OR51B5: variants seen among roughly 807,000 people sequenced by gnomAD.
OR51B5 encodes olfactory receptor 51B5.
For synonymous variants in OR51B5, 186 were observed against 144.8 expected (o/e 1.28, Z -2.04); for missense variants, 456 against 374.6 (o/e 1.22, Z -1.79).
At chr11:5,464,556 G>C (rs373224390) in intron 1 of OR51B5, among the ~76,000 whole-genome samples, 1 of 151,006 alleles carries the variant, frequency 6.6e-6, no homozygotes, top group African/African-American at 2.4e-5. Context: ...TTGTTCTTGC[G>C]ATAGTTTACT....
intron 1 of OR51B5, chr11:5,456,159 C>T (rs985660665): frequency 5.9e-5 from 9 of 152,160 alleles, no homozygotes; most frequent in Non-Finnish European, 1.5e-5. Context: ...TCAGAAGCAG[C>T]GAGGGATACA....
chr11:5,452,373 G>C (rs1195937011), intron 1 of OR51B5, among the ~76,000 whole-genome samples: 1 of 151,858 alleles, frequency 6.6e-6, no homozygotes, highest in Non-Finnish European at 1.5e-5. Context: ...GGGCATGGTG[G>C]CGGGAGCCTG....
chr11:5,493,738 C>G (rs1851610002), intron 1 of OR51B5, among the ~76,000 whole-genome samples: 1 of 152,128 alleles, frequency 6.6e-6, no homozygotes, highest in South Asian at 2.1e-4. Context: ...ATGCATCAGA[C>G]TATCTTAGGT....
chr11:5,491,806 A>G (rs541204043), intron 1 of OR51B5, among the ~76,000 whole-genome samples: 9 of 152,330 alleles, frequency 5.9e-5, no homozygotes, highest in African/African-American at 1.9e-4. Context: ...AAGGCATGAA[A>G]TATGGTTTTA....
intron 1 of OR51B5, among the ~76,000 whole-genome samples, chr11:5,429,697 A>G (rs1267773994): frequency 6.6e-6 from 1 of 152,172 alleles, no homozygotes; most frequent in African/African-American, 2.4e-5. Flanking sequence ...TGGGGAACAG[A>G]TAAGAATAAA....
At chr11:5,455,063 C>T (rs1194536421) in intron 1 of OR51B5, 1 of 152,236 alleles carries the variant, frequency 6.6e-6, no homozygotes, top group Non-Finnish European at 1.5e-5. Flanking sequence ...TATTAGAACT[C>T]ACCATAAAAT....
At chr11:5,422,948 G>A in intron 1 of OR51B5, 1 of 1,614,080 alleles carries the variant, frequency 6.2e-7, no homozygotes, top group Non-Finnish European at 8.5e-7. Flanking sequence ...CATTCTAGCT[G>A]TCCTGGTCCT....
chr11:5,458,790 T>C (rs554711039), intron 1 of OR51B5, among the ~76,000 whole-genome samples: 7 of 152,362 alleles, frequency 4.6e-5, no homozygotes, highest in Admixed American at 4.6e-4. Context: ...TGCTACTGAT[T>C]TTTGTATATC....
chr11:5,376,822 C>G (rs1386286470), intron 1 of OR51B5, among the ~76,000 whole-genome samples: 5 of 149,992 alleles, frequency 3.3e-5, no homozygotes, highest in African/African-American at 1.2e-4. Context: ...TAATCAATAG[C>G]TTACCAACCA....
chr11:5,348,007 T>C (rs1013397834), upstream of OR51B5, among the ~76,000 whole-genome samples: 11 of 151,926 alleles, frequency 7.2e-5, no homozygotes, highest in African/African-American at 2.7e-4. Context: ...GTGAGGGTAT[T>C]TAATGAATCT....
chr11:5,421,404 C>T (rs1280946332), intron 1 of OR51B5, among the ~76,000 whole-genome samples: 1 of 152,226 alleles, frequency 6.6e-6, no homozygotes, highest in South Asian at 2.1e-4. Flanking sequence ...GAAAAGGGCA[C>T]ATGACTTGTT....
chr11:5,378,194 A>C (rs951615875), intron 1 of OR51B5, among the ~76,000 whole-genome samples: 2 of 152,010 alleles, frequency 1.3e-5, no homozygotes, highest in Admixed American at 1.3e-4. Context: ...AAACCTGAGA[A>C]AAACAAGAAA....
At chr11:5,350,849 C>G (rs1849070435) in intron 1 of OR51B5, among the ~76,000 whole-genome samples, 1 of 152,166 alleles carries the variant, frequency 6.6e-6, no homozygotes, top group Non-Finnish European at 1.5e-5. Context: ...ACAGGTAAGT[C>G]ACTCTTACGT....
chr11:5,425,944 A>C (rs538240603), intron 1 of OR51B5, among the ~76,000 whole-genome samples: 1 of 152,348 alleles, frequency 6.6e-6, no homozygotes, highest in South Asian at 2.1e-4. Flanking sequence ...AAAGAGACAG[A>C]AAATTTGAAG....
At chr11:5,431,368 T>C (rs1183805425) in intron 1 of OR51B5, 3 of 264,772 alleles carry the variant, frequency 1.1e-5, no homozygotes, top group Non-Finnish European at 2.2e-5. Context: ...AGTAGCAGTG[T>C]AGACACAGAG....
exon 1 of OR51B5, chr11:5,342,721 A>G: frequency 6.2e-7 from 1 of 1,613,862 alleles, no homozygotes; most frequent in Non-Finnish European, 8.5e-7. Context: ...GGTGAACAAT[A>G]TGTGGAACCT....
intron 1 of OR51B5, chr11:5,488,748 C>G: frequency 6.2e-7 from 1 of 1,613,884 alleles, no homozygotes; most frequent in Non-Finnish European, 8.5e-7. Flanking sequence ...TTCCAGACAC[C>G]TTCTTCTTAA....
intron 1 of OR51B5, chr11:5,440,855 G>A (rs11037444): frequency 0.2 from 330,641 of 1,613,254 alleles, 35,049 homozygotes; most frequent in East Asian, 0.34. Context: ...GGATCAATGC[G>A]TAGGAAAGCA....
At chr11:5,341,706 C>CTAT (rs1196308687), downstream of OR51B5, among the ~76,000 whole-genome samples, 1 of 152,030 alleles carries the variant, frequency 6.6e-6, no homozygotes, top group Non-Finnish European at 1.5e-5. Context: ...ATGCAGAAAC[C>CTAT]TATTTTTTTT....
Sources: gnomAD v4.1 joint callset for allele counts (sites outside exome capture counted in the v4.1 genomes callset) on GRCh38, gnomAD v4.1.1 for gene constraint, MANE v1.5 for transcripts, NCBI Gene and HGNC (gene_info 2026-07-23, HGNC 2026-07-21) for gene names.